ST7: variants seen among roughly 807,000 people sequenced by gnomAD.
ST7 encodes suppression of tumorigenicity 7.
A neutral mutation model predicts 78.7 loss-of-function variants in ST7; 28 were observed. The observed-to-expected ratio is 0.36, with a 90% confidence interval of 0.26 to 0.49. ST7 has a LOEUF of 0.49. ST7 is among the 20% of genes least tolerant of loss of function. The pLI, the probability that ST7 is intolerant of heterozygous loss-of-function variation, is 0.99. For synonymous variants in ST7, 247 were observed against 249.6 expected (o/e 0.99, Z 0.10); for missense variants, 418 against 696.0 (o/e 0.60, Z 4.49).
chr7:117,046,828 G>A (rs1301015648), intron 1 of ST7, among the ~76,000 whole-genome samples: 1 of 152,128 alleles, frequency 6.6e-6, no homozygotes, highest in Non-Finnish European at 1.5e-5. Flanking sequence ...ATGTATTCAT[G>A]GCTATAAAGT....
intron 1 of ST7, chr7:116,956,707 T>C (rs1792516016): frequency 2.1e-6 from 1 of 465,286 alleles, no homozygotes; most frequent in African/African-American, 2.0e-5. Flanking sequence ...TTAATCCTCA[T>C]TTGATCATAT....
intron 1 of ST7, chr7:117,020,342 GC>G (rs1195387507): frequency 2.1e-6 from 1 of 471,702 alleles, no homozygotes; most frequent in Admixed American, 3.7e-5. Flanking sequence ...GCCTTCATTT[GC>G]CTAGTGGATT....
intron 9 of ST7, among the ~76,000 whole-genome samples, chr7:117,163,918 T>G (rs184273027): frequency 8.4e-4 from 128 of 152,316 alleles, no homozygotes; most frequent in African/African-American, 3.0e-3. Context: ...TTTTATAGTC[T>G]TGGACCTTAC....
At chr7:117,158,934 A>G (rs1584489773) in intron 9 of ST7, among the ~76,000 whole-genome samples, 1 of 152,220 alleles carries the variant, frequency 6.6e-6, no homozygotes, top group African/African-American at 2.4e-5. Flanking sequence ...GCCAAATTCT[A>G]TAAACTTTAA....
chr7:117,195,589 T>C (rs1333298293), intron 12 of ST7, among the ~76,000 whole-genome samples: 1 of 152,082 alleles, frequency 6.6e-6, no homozygotes, highest in African/African-American at 2.4e-5. Context: ...GAAGGGGAAG[T>C]AAACACGTCC....
intron 9 of ST7, among the ~76,000 whole-genome samples, chr7:117,156,844 G>A (rs140384399): frequency 4.6e-5 from 7 of 152,338 alleles, no homozygotes; most frequent in Non-Finnish European, 1.0e-4. Flanking sequence ...AGGAAGTTTA[G>A]TGGGAGTAAT....
intron 13 of ST7, among the ~76,000 whole-genome samples, chr7:117,213,130 G>A (rs1461937566): frequency 3.3e-5 from 5 of 152,190 alleles, no homozygotes; most frequent in African/African-American, 4.8e-5. Context: ...TCTCAGGTCC[G>A]CTGGCCATGC....
At chr7:117,040,416 A>T (rs576971372) in intron 1 of ST7, among the ~76,000 whole-genome samples, 1 of 152,108 alleles carries the variant, frequency 6.6e-6, no homozygotes, top group Non-Finnish European at 1.5e-5. Flanking sequence ...TTATACACAC[A>T]TACACACACA....
In ST7 at chr7:117,180,702, T is replaced by G. The variant is rs76311480; in HGVS notation, c.1079-8619T>G. Among the ~76,000 whole-genome samples, 380 of 152,240 alleles carry G rather than the reference T, an allele frequency of 2.5e-3. 2 individuals are homozygous for G. Among genetic ancestry groups the G allele is most frequent in the Non-Finnish European group, 4.1e-3 (278 of 68,008 alleles). On this transcript the variant is annotated intron_variant, in intron 10 of 15. Transcript: ENST00000323984. ...TATAGCTCTGTCGCCTAGACTGGAGTACAGTGACATGATCACAGCTCACTG... is the reference window on the plus strand; with the variant it reads ...TATAGCTCTGTCGCCTAGACTGGAGGACAGTGACATGATCACAGCTCACTG...
Position 117,047,687 on chromosome 7 carries a change from G to A in ST7, c.152-52075G>A, listed in dbSNP as rs542906580. Among the ~76,000 whole-genome samples, 23 of 152,328 alleles carry A rather than the reference G, an allele frequency of 1.5e-4. No individual in the cohort carries two copies. The South Asian group carries it at 4.6e-3, about 30-fold the overall frequency. On this transcript the variant is annotated intron_variant, in intron 1 of 15. Transcript: ENST00000323984. ...GTGACATTTGAGGCTAGGTTAGCTA[G>A]CTTAATACCAGGTGTTTGGAGGCTG...
intron 3 of ST7, among the ~76,000 whole-genome samples, chr7:117,126,199 C>A (rs1360931503): frequency 6.6e-6 from 1 of 151,814 alleles, no homozygotes; most frequent in Admixed American, 6.6e-5. Flanking sequence ...ATAAGAAACC[C>A]TTCTGGGCCT....
rs548862112 is a variant in ST7, at chr7:117,074,310, G to C, written c.152-25452G>C. 3.3e-5 allele frequency among the ~76,000 whole-genome samples: 5 copies of C among 152,286 alleles called. No individual in the cohort carries two copies. In the Middle Eastern group the frequency reaches 0.01, roughly 311 times the overall value. On this transcript the variant is annotated intron_variant, in intron 1 of 15. Coordinates refer to ENST00000323984, the MANE Select transcript of ST7 (RefSeq NM_001369598.1). ...GGAGGTTGAGGCAGGAGAATCGCTT[G>C]AACCCAGGAGGCGGAGGTTGCAGTA...
At chr7:117,179,674 A>C (rs1808597520) in intron 10 of ST7, among the ~76,000 whole-genome samples, 1 of 148,642 alleles carries the variant, frequency 6.7e-6, no homozygotes, top group Non-Finnish European at 1.5e-5. Flanking sequence ...GAAGGGCAGA[A>C]GATGCCTTGG....
chr7:116,996,923 T>C (rs1794686281), intron 1 of ST7, among the ~76,000 whole-genome samples: 1 of 152,246 alleles, frequency 6.6e-6, no homozygotes, highest in Non-Finnish European at 1.5e-5. Context: ...CCATACCCTA[T>C]GACCTTCTAG....
chr7:117,129,457 C>G (rs758717471), intron 3 of ST7, among the ~76,000 whole-genome samples: 1 of 151,848 alleles, frequency 6.6e-6, no homozygotes. Flanking sequence ...TCTGCCTATA[C>G]TTTTATCTAT....
chr7:117,118,651 T>A (rs996568435), intron 2 of ST7, among the ~76,000 whole-genome samples: 2 of 152,170 alleles, frequency 1.3e-5, no homozygotes, highest in African/African-American at 4.8e-5. Flanking sequence ...TTCTGTGGAA[T>A]GATTTGTGAC....
intron 10 of ST7, among the ~76,000 whole-genome samples, chr7:117,181,473 C>T (rs1425317683): frequency 6.6e-6 from 1 of 152,204 alleles, no homozygotes; most frequent in Non-Finnish European, 1.5e-5. Flanking sequence ...CCATATTTCT[C>T]ACCTATAAAA....
chr7:117,112,039 G>T (rs905844001), intron 2 of ST7, among the ~76,000 whole-genome samples: 3 of 151,748 alleles, frequency 2.0e-5, no homozygotes, highest in African/African-American at 7.3e-5. Context: ...TAGGATACAG[G>T]ATATGTATAT....
At chr7:117,012,916 T>C (rs1185538969) in intron 1 of ST7, among the ~76,000 whole-genome samples, 2 of 152,220 alleles carry the variant, frequency 1.3e-5, no homozygotes, top group African/African-American at 4.8e-5. Flanking sequence ...GTTTTATATC[T>C]ATCTACTCAT....
Sources: allele counts gnomAD v4.1 joint callset (sites outside exome capture counted in the v4.1 genomes callset), GRCh38; gene constraint gnomAD v4.1.1; transcripts MANE v1.5; gene names NCBI Gene and HGNC (gene_info 2026-07-23, HGNC 2026-07-21).